HHLA2: variants seen among roughly 807,000 people sequenced by gnomAD.
HHLA2 encodes the protein HERV-H LTR-associating protein 2.
In HHLA2, 48 loss-of-function variants were observed where a neutral mutation model predicts 45.9. The ratio of observed to expected loss-of-function variants is 1.05; its 90% CI spans 0.83 to 1.33. The LOEUF is 1.33. HHLA2 is among the 40% of genes most tolerant of loss of function. The probability of loss-of-function intolerance (pLI) is 0.00; values close to 1 mark genes in which losing one functional copy is unlikely to be tolerated. For missense variants in HHLA2, 462 were observed against 494.3 expected (o/e 0.93, Z 0.62); for synonymous variants, 161 against 173.9 (o/e 0.93, Z 0.59).
intron 3 of HHLA2, among the ~76,000 whole-genome samples, chr3:108,330,310 C>A (rs1028654906): frequency 6.6e-6 from 1 of 152,184 alleles, no homozygotes; most frequent in Non-Finnish European, 1.5e-5. Flanking sequence ...GGTAGGACCA[C>A]TGCAGGCAGA....
At chr3:108,355,432 G>A (rs1354861642) in intron 6 of HHLA2, 51 bp downstream of exon 5, 15 of 1,555,378 alleles carry the variant, frequency 9.6e-6, no homozygotes, top group South Asian at 1.2e-5. Flanking sequence ...AAGTTGGGGG[G>A]TAATGGGGAC....
intron 3 of HHLA2, among the ~76,000 whole-genome samples, chr3:108,338,633 C>G (rs1475223620): frequency 1.3e-5 from 2 of 152,198 alleles, no homozygotes; most frequent in Non-Finnish European, 2.9e-5. Flanking sequence ...CTCCACAAGC[C>G]TAGCAGAAAG....
At chr3:108,340,622 C>T (rs571481981) in intron 3 of HHLA2, among the ~76,000 whole-genome samples, 1 of 152,134 alleles carries the variant, frequency 6.6e-6, no homozygotes, top group African/African-American at 2.4e-5. Context: ...AGTCTATATA[C>T]CAAATTAAAG....
rs112426370 is a variant in HHLA2 at position 108,356,822 on chromosome 3, G to A, written c.686-1022G>A. Among the ~76,000 whole-genome samples the A allele has an allele frequency of 1.7e-3, 256 of 152,192 alleles. 1 individual carries two copies. The highest frequency in any genetic ancestry group is 5.9e-3 in the African/African-American group (244 of 41,510). ...TAAACTAGGAACATAGCTTACAAAGGGAGTGATTAATTCTATTCTCTGTGG... is the reference window on the plus strand; with the variant it reads ...TAAACTAGGAACATAGCTTACAAAGAGAGTGATTAATTCTATTCTCTGTGG... On this transcript the variant is annotated intron_variant, in intron 6 of 10. Coordinates refer to ENST00000619531, the Ensembl canonical transcript of HHLA2.
At chr3:108,300,211 GAGA>G (rs1164136312) in intron 1 of HHLA2, among the ~76,000 whole-genome samples, 6 of 152,160 alleles carry the variant, frequency 3.9e-5, no homozygotes, top group African/African-American at 1.4e-4. Context: ...GACAGTGTGT[GAGA>G]AGATGAGTAA....
At chr3:108,372,551 A>G (rs2107512970) in intron 8 of HHLA2, among the ~76,000 whole-genome samples, 1 of 151,528 alleles carries the variant, frequency 6.6e-6, no homozygotes. Context: ...TGGTTTTTTG[A>G]AAAGATCAAC....
intron 8 of HHLA2, 36 bp downstream of exon 7, chr3:108,362,482 C>A (rs749304059): frequency 2.3e-6 from 3 of 1,296,462 alleles, no homozygotes; most frequent in Non-Finnish European, 3.3e-6. Context: ...CCACGTGTTC[C>A]ACATCACGTA....
chr3:108,375,731 C>T lies in HHLA2; in HGVS notation c.1109-19C>T, dbSNP rs193293319. On this transcript the variant is annotated intron_variant, in intron 8 of 10. Coordinates refer to ENST00000619531, the Ensembl canonical transcript of HHLA2. ...AGAGTAAATACCTAATTTCACTCTT[C>T]CCTGTCTCTGATCTACAGCCCAGCT... is the stretch of plus-strand genomic sequence containing the variant. 8.3e-5 allele frequency: 134 copies of T among 1,608,568 alleles called. No homozygotes were observed. The African/African-American group carries it at 1.6e-3, about 19-fold the overall frequency.
rs748326118 is a variant in HHLA2 at position 108,351,767 on chromosome 3, CA to C, written c.-26-20del. The C allele has an allele frequency of 6.6e-7, 1 of 1,504,770 alleles. No individual in the cohort carries two copies. Among genetic ancestry groups the C allele is most frequent in the Non-Finnish European group, 9.2e-7 (1 of 1,085,522 alleles). The allele number at this position is 1,504,770 out of a possible 1,614,324, so 93.2% of individuals were successfully genotyped here. A position where few individuals can be genotyped will look rare whatever the true frequency, so the allele number is the denominator to read the frequency against. ...TTGCATTTTAAATCCATAACATGTGCACTTTACTTCTCTTTGATAGCATGAC... is the reference window on the plus strand; with the variant it reads ...TTGCATTTTAAATCCATAACATGTGCCTTTACTTCTCTTTGATAGCATGAC... On this transcript the variant is annotated intron_variant, in intron 3 of 10. Transcript: ENST00000619531.
chr3:108,328,123 ACT>A (rs930548645), intron 2 of HHLA2: 6 of 483,414 alleles, frequency 1.2e-5, no homozygotes, highest in Non-Finnish European at 2.2e-5. Flanking sequence ...ACAGAATGAG[ACT>A]CTGTCTCGAA....
At chr3:108,301,939 A>G (rs762525266) in intron 1 of HHLA2, among the ~76,000 whole-genome samples, 1 of 152,300 alleles carries the variant, frequency 6.6e-6, no homozygotes, top group Non-Finnish European at 1.5e-5. Flanking sequence ...TGCTGCCTGT[A>G]CAATATAAAA....
At chr3:108,337,603 T>A (rs2081495595) in intron 3 of HHLA2, among the ~76,000 whole-genome samples, 1 of 152,184 alleles carries the variant, frequency 6.6e-6, no homozygotes, top group African/African-American at 2.4e-5. Context: ...TCACTGGATG[T>A]CCTAGTCATG....
rs536728780 is a variant in HHLA2 at position 108,301,863 on chromosome 3, G to A, written c.-192+5264G>A. ...TTGTTTCTCTTCTGCTTCTAAATTGGTTTCATCCGAGTGACTCGAGTGACT... is the reference window on the plus strand; with the variant it reads ...TTGTTTCTCTTCTGCTTCTAAATTGATTTCATCCGAGTGACTCGAGTGACT... On this transcript the variant is annotated intron_variant, in intron 1 of 10. Transcript: ENST00000619531. 1.2e-4 allele frequency among the ~76,000 whole-genome samples: 18 copies of A among 152,008 alleles called. 1 individual carries two copies. The highest frequency in any genetic ancestry group is 2.2e-4 in the Non-Finnish European group (15 of 67,992).
chr3:108,313,840 C>A (rs1687849702), intron 2 of HHLA2, among the ~76,000 whole-genome samples: 1 of 152,204 alleles, frequency 6.6e-6, no homozygotes, highest in Non-Finnish European at 1.5e-5. Context: ...TCCTAACTTA[C>A]TAGCGTGGAA....
chr3:108,317,806 C>A (rs1393777169), intron 2 of HHLA2, among the ~76,000 whole-genome samples: 18 of 151,980 alleles, frequency 1.2e-4, no homozygotes, highest in Admixed American at 1.2e-3. Context: ...AACTCCTGAC[C>A]TTGTGATCCG....
intron 3 of HHLA2, among the ~76,000 whole-genome samples, chr3:108,336,700 C>T (rs1165604760): frequency 1.3e-5 from 2 of 151,944 alleles, no homozygotes; most frequent in African/African-American, 4.8e-5. Context: ...TACTTTTCCT[C>T]ATGTGCTCAG....
chr3:108,363,843 T>C (rs1391834078), intron 8 of HHLA2, among the ~76,000 whole-genome samples: 1 of 152,160 alleles, frequency 6.6e-6, no homozygotes, highest in Non-Finnish European at 1.5e-5. Flanking sequence ...TGAGACAGTA[T>C]ATTCATGGCT....
intron 3 of HHLA2, 128 bp from the exon 3 acceptor site, chr3:108,351,660 T>C (rs889184144): frequency 3.5e-6 from 2 of 564,192 alleles, no homozygotes; most frequent in South Asian, 2.6e-5. Flanking sequence ...TTCCATGCCA[T>C]TGAACCATCC....
intron 2 of HHLA2, among the ~76,000 whole-genome samples, chr3:108,317,258 C>T (rs984437861): frequency 6.6e-6 from 1 of 152,162 alleles, no homozygotes; most frequent in Admixed American, 6.5e-5. Flanking sequence ...AGTGGATATA[C>T]GGTGTGCAAC....
Sources: gnomAD v4.1 joint callset for allele counts (sites outside exome capture counted in the v4.1 genomes callset) on GRCh38, gnomAD v4.1.1 for gene constraint, MANE v1.5 for transcripts, NCBI Gene and HGNC (gene_info 2026-07-23, HGNC 2026-07-21) for gene names.